XIRP2: variants seen among roughly 807,000 people sequenced by gnomAD.
The protein encoded by XIRP2 is xin actin binding repeat containing 2.
Under a neutral mutation model 277.0 loss-of-function variants are expected in XIRP2, and 236 were observed. The observed-to-expected ratio is 0.85, with a 90% CI of 0.77 to 0.95. The LOEUF (loss-of-function observed/expected upper bound fraction) is 0.95, where lower values mean the gene tolerates loss of function less well. Ranked by LOEUF, XIRP2 falls within the 40% of genes least tolerant of loss-of-function variation. The pLI is 0.00. For missense variants in XIRP2, 4,640 were observed against 4,157.5 expected (o/e 1.12, Z -3.19); for synonymous variants, 1,490 against 1,416.5 (o/e 1.05, Z -1.17).
At chr2:167,086,589 G>A (rs372571186) in intron 2 of XIRP2, among the ~76,000 whole-genome samples, 9 of 151,896 alleles carry the variant, frequency 5.9e-5, no homozygotes, top group African/African-American at 9.7e-5. Context: ...CCAATCAGAC[G>A]TAGATTTGGT....
At chr2:166,926,784 A>G (rs968536155) in intron 2 of XIRP2, among the ~76,000 whole-genome samples, 1 of 152,142 alleles carries the variant, frequency 6.6e-6, no homozygotes, top group African/African-American at 2.4e-5. Context: ...CAGAGGAAAC[A>G]TCAGCCCCGA....
chr2:166,985,878 C>A (rs1345121639), intron 2 of XIRP2, among the ~76,000 whole-genome samples: 2 of 152,076 alleles, frequency 1.3e-5, no homozygotes, highest in Non-Finnish European at 2.9e-5. Flanking sequence ...TTCCTAAAAT[C>A]AGGTGATCTC....
At chr2:166,909,778 T>C (rs1243075030) in intron 2 of XIRP2, among the ~76,000 whole-genome samples, 2 of 152,208 alleles carry the variant, frequency 1.3e-5, no homozygotes, top group Non-Finnish European at 2.9e-5. Context: ...CTTATTATTT[T>C]GAGATACATC....
intron 2 of XIRP2, among the ~76,000 whole-genome samples, chr2:166,957,523 A>G (rs1179987566): frequency 1.3e-5 from 2 of 151,798 alleles, no homozygotes; most frequent in Non-Finnish European, 2.9e-5. Context: ...TCTATTTTTT[A>G]TGAATGTATT....
chr2:167,119,063 C>T (rs565026614), intron 2 of XIRP2, among the ~76,000 whole-genome samples: 2 of 152,072 alleles, frequency 1.3e-5, no homozygotes, highest in East Asian at 1.9e-4. Context: ...TGAGATTGTC[C>T]CCGTGGCAAG....
At chr2:167,213,217 G>A (rs73970900) in intron 4 of XIRP2, among the ~76,000 whole-genome samples, 2 of 151,980 alleles carry the variant, frequency 1.3e-5, no homozygotes, top group Non-Finnish European at 2.9e-5. Flanking sequence ...GAATTAAAAT[G>A]CCAGATTCAT....
chr2:166,894,734 A>G (rs1684196861), intron 1 of XIRP2, among the ~76,000 whole-genome samples: 2 of 152,198 alleles, frequency 1.3e-5, no homozygotes, highest in Non-Finnish European at 2.9e-5. Context: ...CGAAGGATAA[A>G]CTACTGAACA....
intron 2 of XIRP2, among the ~76,000 whole-genome samples, chr2:167,044,638 G>A (rs976065385): frequency 1.3e-5 from 2 of 152,050 alleles, no homozygotes; most frequent in Non-Finnish European, 2.9e-5. Flanking sequence ...TCTCCAAGCT[G>A]AGAGCTATAT....
chr2:167,248,504 C>G lies in XIRP2; in HGVS notation c.7112C>G (p.Thr2371Ser), dbSNP rs1273709787. 1 of 1,613,772 alleles carries G rather than the reference C, an allele frequency of 6.2e-7. No individual in the cohort carries two copies. Among genetic ancestry groups the G allele is most frequent in the Non-Finnish European group, 8.5e-7 (1 of 1,179,844 alleles). ...SMFLPPPPPPTPSQKPAHLLS... is the reference protein window; with the variant it reads ...SMFLPPPPPPSPSQKPAHLLS... Reference sequence around the variant, plus strand: ...TTTCTGCCGCCTCCTCCTCCTCCAACTCCATCTCAAAAGCCAGCACATCTC... The same window carrying G: ...TTTCTGCCGCCTCCTCCTCCTCCAAGTCCATCTCAAAAGCCAGCACATCTC... Residue 2371 changes from threonine to serine, a missense_variant, in exon 9 of 11, where the codon ACT becomes AGT. By Grantham distance (58) the Thr-to-Ser change is moderately conservative. Transcript: ENST00000409195.
chr2:167,251,726 G>A lies in XIRP2; in HGVS notation c.10334G>A (p.Gly3445Asp). Residue 3445 changes from glycine to aspartate, a missense_variant, in exon 9 of 11, where the codon GGC becomes GAC. Coordinates refer to ENST00000409195, the MANE Select transcript of XIRP2 (RefSeq NM_152381.6). The part of the protein sequence containing the change: ...KTSSSHSSEA[G>D]KSGCDFKHAP... ...TCTTCATCACATAGCTCAGAAGCTG[G>A]CAAATCTGGCTGTGACTTCAAGCAT... 1 of 1,613,324 alleles carries A rather than the reference G, an allele frequency of 6.2e-7. No homozygotes were observed. The highest frequency in any genetic ancestry group is 8.5e-7 in the Non-Finnish European group (1 of 1,179,596).
chr2:167,022,436 G>A (rs1176415235), intron 2 of XIRP2, among the ~76,000 whole-genome samples: 1 of 151,834 alleles, frequency 6.6e-6, no homozygotes, highest in Non-Finnish European at 1.5e-5. Context: ...ATAATGTTAT[G>A]TATTCATTTT....
Position 167,258,158 on chromosome 2 carries a change from A to C in XIRP2, c.*341A>C. Reference sequence around the variant, plus strand: ...AGGGGAAAGGGGAAAATTAAAAGTCATTTGGCCTCCTTCCAAGGAGATCCC... The same window carrying C: ...AGGGGAAAGGGGAAAATTAAAAGTCCTTTGGCCTCCTTCCAAGGAGATCCC... On this transcript the variant is annotated 3_prime_UTR_variant, in exon 11 of 11. Coordinates refer to ENST00000409195, the MANE Select transcript of XIRP2 (RefSeq NM_152381.6). The C allele has an allele frequency of 6.2e-7, 1 of 1,613,074 alleles. No homozygotes were observed. Among genetic ancestry groups the C allele is most frequent in the Non-Finnish European group, 8.5e-7 (1 of 1,179,564 alleles).
At chr2:167,125,521 C>A (rs770209621) in intron 2 of XIRP2, among the ~76,000 whole-genome samples, 1 of 152,138 alleles carries the variant, frequency 6.6e-6, no homozygotes, top group Non-Finnish European at 1.5e-5. Flanking sequence ...TTAGTTTCTT[C>A]ACTGTAAAAT....
chr2:166,934,334 T>C (rs1054018111), intron 2 of XIRP2, among the ~76,000 whole-genome samples: 1 of 151,984 alleles, frequency 6.6e-6, no homozygotes, highest in African/African-American at 2.4e-5. Flanking sequence ...AAGCTGAGGA[T>C]GACCTCCAAC....
At chr2:167,035,075 C>A (rs1450917729) in intron 2 of XIRP2, among the ~76,000 whole-genome samples, 1 of 152,200 alleles carries the variant, frequency 6.6e-6, no homozygotes, top group Non-Finnish European at 1.5e-5. Flanking sequence ...GATTCTGAGG[C>A]CTCCCCAGCC....
intron 2 of XIRP2, among the ~76,000 whole-genome samples, chr2:166,958,879 C>T (rs1686234352): frequency 6.6e-6 from 1 of 151,716 alleles, no homozygotes; most frequent in Non-Finnish European, 1.5e-5. Flanking sequence ...ATTATGTATT[C>T]ATGGAATTTC....
intron 2 of XIRP2, among the ~76,000 whole-genome samples, chr2:166,962,795 T>G (rs1474681278): frequency 6.6e-6 from 1 of 151,754 alleles, no homozygotes; most frequent in Non-Finnish European, 1.5e-5. Flanking sequence ...GGAATATTAG[T>G]TACTTTCTAG....
At chr2:167,058,578 C>T (rs1190703055) in intron 2 of XIRP2, among the ~76,000 whole-genome samples, 1 of 152,136 alleles carries the variant, frequency 6.6e-6, no homozygotes, top group African/African-American at 2.4e-5. Flanking sequence ...CAAGTCCTTC[C>T]TCTCAGTTGG....
intron 1 of XIRP2, chr2:166,889,942 A>G (rs1684061110): frequency 6.6e-6 from 1 of 151,704 alleles, no homozygotes. Flanking sequence ...TGTCTTCTCC[A>G]GTTCATTAAT....
Sources: allele counts gnomAD v4.1 joint callset (sites outside exome capture counted in the v4.1 genomes callset), GRCh38; gene constraint gnomAD v4.1.1; transcripts MANE v1.5; gene names NCBI Gene and HGNC (gene_info 2026-07-23, HGNC 2026-07-21).